Variants in BEGAIN observed in about 807,000 individuals in gnomAD.
The protein encoded by BEGAIN is brain enriched guanylate kinase associated, also known as brain-enriched guanylate kinase-associated protein.
In BEGAIN, 19 loss-of-function variants were observed where a neutral mutation model predicts 35.8. That is an observed-to-expected ratio of 0.53 (90% CI 0.37 to 0.78). The LOEUF is 0.78. BEGAIN is among the 30% of genes least tolerant of loss of function. The pLI is 0.00. For missense variants in BEGAIN, 795 were observed against 853.6 expected (o/e 0.93, Z 0.85); for synonymous variants, 462 against 388.6 (o/e 1.19, Z -2.22).
At position 100,538,947 on chromosome 14, in the gene BEGAIN, C is replaced by T. The variant is rs1164870763; in HGVS notation, c.861G>A (p.Glu287=). 1.2e-6 allele frequency: 2 copies of T among 1,608,554 alleles called. No homozygotes were observed. The highest frequency in any genetic ancestry group is 1.1e-5 in the South Asian group (1 of 90,696). ...RAQNSTDSAA[E]EEEEAEAAAF... ...CCGCCGCCTCGGCCTCCTCCTCCTC[C>T]TCGGCCGCGCTGTCAGTGGAGTTCT... is the stretch of plus-strand genomic sequence containing the variant. The change falls in exon 7 of 7, where the codon GAG becomes GAA. Residue 287 remains glutamate, a synonymous_variant. Transcript: ENST00000554140.
intron 1 of BEGAIN, among the ~76,000 whole-genome samples, chr14:100,578,850 C>G (rs1695279680): frequency 6.8e-6 from 1 of 146,514 alleles, no homozygotes; most frequent in Admixed American, 7.0e-5. Flanking sequence ...TCATCTGCCT[C>G]TGGTACTTTT....
chr14:100,544,042 C>T, intron 4 of BEGAIN, 77 bp from the exon 5 acceptor site: 1 of 1,074,298 alleles, frequency 9.3e-7, no homozygotes. Context: ...ATTGCACCCC[C>T]TGGTTTGTCC....
chr14:100,577,167 G>A, intron 1 of BEGAIN: 1 of 397,654 alleles, frequency 2.5e-6, no homozygotes, highest in Non-Finnish European at 4.4e-6. Context: ...TTTCACCTTA[G>A]AGATTCATTC....
chr14:100,568,925 C>T lies in BEGAIN; in HGVS notation c.43-986G>A. Reference sequence around the variant, plus strand: ...TGGGAAGACTGATGACTGCCCATCCCGGCCCCTCGCGCCGGGCGCCGCCGC... The same window carrying T: ...TGGGAAGACTGATGACTGCCCATCCTGGCCCCTCGCGCCGGGCGCCGCCGC... On this transcript the variant is annotated intron_variant, in intron 1 of 6. Coordinates refer to ENST00000554140, the MANE Select transcript of BEGAIN (RefSeq NM_001385089.1). This position sits in a 1 kb window ranked among gnomAD's most constrained non-coding sequence, Gnocchi z 7.5. 2 of 984,050 alleles carry T rather than the reference C, an allele frequency of 2.0e-6. No individual in the cohort carries two copies. Among genetic ancestry groups the T allele is most frequent in the Non-Finnish European group, 2.4e-6 (2 of 829,534 alleles). 61.0% of individuals were successfully genotyped at this position (984,050 alleles called of 1,614,324 possible).
At position 100,551,104 on chromosome 14, in the gene BEGAIN, T is replaced by C. The variant is rs1326444617; in HGVS notation, c.72-4442A>G. On this transcript the variant is annotated intron_variant, in intron 2 of 6. Transcript: ENST00000554140. ...GGCTGCTGTATGGTCTCCTGTAGGC[T>C]GTGGGACCTGGCAGATGTTAGGGAT... 2.0e-5 allele frequency among the ~76,000 whole-genome samples: 3 copies of C among 152,196 alleles called. No individual in the cohort carries two copies. The South Asian group carries it at 6.2e-4, about 31-fold the overall frequency.
intron 3 of BEGAIN, 200 bp from the exon 4 acceptor site, chr14:100,545,266 T>C: frequency 7.1e-7 from 1 of 1,417,926 alleles, no homozygotes; most frequent in Non-Finnish European, 9.2e-7. Flanking sequence ...TAGAAGCCTT[T>C]CCTAGGCCAG....
chr14:100,547,574 G>T, intron 2 of BEGAIN: 1 of 152,524 alleles, frequency 6.6e-6, no homozygotes, highest in Non-Finnish European at 1.5e-5. Flanking sequence ...CCCAAGGCAG[G>T]GGCTGCACTT....
chr14:100,576,474 C>T (rs759504523), intron 1 of BEGAIN, among the ~76,000 whole-genome samples: 9 of 152,202 alleles, frequency 5.9e-5, no homozygotes, highest in Admixed American at 2.6e-4. Context: ...CGAGAGTCAC[C>T]GTGCTCACCC....
At position 100,577,508 on chromosome 14, in the gene BEGAIN, G is replaced by C. The variant is rs147045455; in HGVS notation, c.43-9569C>G. ...GCTCTTGTAAGGGCCTCCTGGGCTA[G>C]ACCTTGGCCTCGATCCACTGCAGAG... On this transcript the variant is annotated intron_variant, in intron 1 of 6. Transcript: ENST00000554140. 803 of 399,322 alleles carry C rather than the reference G, an allele frequency of 2.0e-3. 12 individuals are homozygous for C. Among genetic ancestry groups the C allele is most frequent in the African/African-American group, 0.015 (742 of 48,758 alleles). 24.7% of individuals were successfully genotyped at this position (399,322 alleles called of 1,614,324 possible). A position where few individuals can be genotyped will look rare whatever the true frequency, so the allele number is the denominator to read the frequency against.
intron 1 of BEGAIN, among the ~76,000 whole-genome samples, chr14:100,571,092 A>G (rs930514095): frequency 2.6e-5 from 4 of 152,152 alleles, no homozygotes; most frequent in African/African-American, 9.7e-5. Flanking sequence ...CTCATGGCAC[A>G]GTCCTTCCCC....
intron 2 of BEGAIN, chr14:100,550,637 TCCCCACC>T (rs886920148): frequency 2.5e-6 from 1 of 395,954 alleles, no homozygotes; most frequent in African/African-American, 2.1e-5. Context: ...GGGGAGTTGG[TCCCCACC>T]CCCTGCCAGG....
intron 1 of BEGAIN, among the ~76,000 whole-genome samples, chr14:100,574,168 G>T (rs1250198912): frequency 6.6e-6 from 1 of 152,214 alleles, no homozygotes; most frequent in African/African-American, 2.4e-5. Context: ...CAAATGAGCC[G>T]CGGGCTTTCC....
At chr14:100,579,207 T>G (rs1173542536) in intron 1 of BEGAIN, among the ~76,000 whole-genome samples, 2 of 152,214 alleles carry the variant, frequency 1.3e-5, no homozygotes, top group East Asian at 3.9e-4. Context: ...CCTCTTGTCT[T>G]TAAGCTATGG....
At position 100,567,252 on chromosome 14, in the gene BEGAIN, C is replaced by A. The variant is rs2034766352; in HGVS notation, c.71+659G>T. Among the ~76,000 whole-genome samples the A allele has an allele frequency of 6.6e-6, 1 of 152,204 alleles. No individual in the cohort carries two copies. The highest frequency in any genetic ancestry group is 1.5e-5 in the Non-Finnish European group (1 of 68,016). On this transcript the variant is annotated intron_variant, in intron 2 of 6. Transcript: ENST00000554140. The surrounding 1 kb of genome is among the most constrained non-coding windows in gnomAD (Gnocchi z 5.1). ...AGGAAGTGGCAAATATTCAAACTGG[C>A]TGATCCCAGGCCTGCCGCGCAGGTG...
At chr14:100,542,481 C>A (rs186811337) in intron 5 of BEGAIN, among the ~76,000 whole-genome samples, 5 of 152,332 alleles carry the variant, frequency 3.3e-5, no homozygotes, top group Admixed American at 3.3e-4. Flanking sequence ...ACTCCAGACC[C>A]GGGCCTCCTG....
At chr14:100,562,981 C>T (rs1258061022) in intron 2 of BEGAIN, among the ~76,000 whole-genome samples, 4 of 152,210 alleles carry the variant, frequency 2.6e-5, no homozygotes, top group African/African-American at 9.7e-5. Context: ...GCAGCAGGGC[C>T]GGCTCACGGG....
intron 1 of BEGAIN, among the ~76,000 whole-genome samples, chr14:100,576,213 A>C (rs1159187746): frequency 1.3e-5 from 2 of 151,854 alleles, no homozygotes; most frequent in African/African-American, 2.4e-5. Flanking sequence ...GCTTCAAATC[A>C]CCAGAACTTC....
chr14:100,585,824 G>A (rs184382835), intron 1 of BEGAIN, among the ~76,000 whole-genome samples: 8 of 152,324 alleles, frequency 5.3e-5, no homozygotes, highest in South Asian at 4.1e-4. Context: ...AACGGAACGC[G>A]GAGCCTTGGA....
chr14:100,576,334 C>CTT (rs2035201649), intron 1 of BEGAIN, among the ~76,000 whole-genome samples: 1 of 152,188 alleles, frequency 6.6e-6, no homozygotes, highest in South Asian at 2.1e-4. Flanking sequence ...CTGGGCCCAA[C>CTT]CCGGCTCCTC....
Sources: allele counts gnomAD v4.1 joint callset (sites outside exome capture counted in the v4.1 genomes callset), GRCh38; gene constraint gnomAD v4.1.1; non-coding constraint Gnocchi (gnomAD v3.1); transcripts MANE v1.5; gene names NCBI Gene and HGNC (gene_info 2026-07-23, HGNC 2026-07-21).